Variants in LOC128462377 observed in about 807,000 individuals in gnomAD.
the LOC128462377 span, among the ~76,000 whole-genome samples, chr16:89,384,843 A>G: frequency 2.0e-5 from 3 of 148,194 alleles, no homozygotes; most frequent in Non-Finnish European, 1.5e-5. Context: ...GTGTGTAAGA[A>G]CATGTGTGTG....
the LOC128462377 span, among the ~76,000 whole-genome samples, chr16:89,338,115 C>G: frequency 6.6e-6 from 1 of 152,212 alleles, no homozygotes; most frequent in African/African-American, 2.4e-5. Flanking sequence ...CATCCCAGGA[C>G]GCCGCCCGTC....
At chr16:89,413,097 C>G in the LOC128462377 span, among the ~76,000 whole-genome samples, 8 of 152,182 alleles carry the variant, frequency 5.3e-5, no homozygotes, top group African/African-American at 1.9e-4. Context: ...CGCCGCTCAG[C>G]CACAAGTGCC....
chr16:89,378,371 C>T, the LOC128462377 span, among the ~76,000 whole-genome samples: 2 of 152,146 alleles, frequency 1.3e-5, no homozygotes, highest in Non-Finnish European at 1.5e-5. Flanking sequence ...AAGGACCAAA[C>T]ATATATAATG....
the LOC128462377 span, among the ~76,000 whole-genome samples, chr16:89,366,044 C>G: frequency 0.03 from 4,430 of 149,768 alleles, 155 homozygotes; most frequent in African/African-American, 0.076. Context: ...ATGATCTGAT[C>G]ACTTGAACCT....
At chr16:89,399,604 TCATC>T in the LOC128462377 span, among the ~76,000 whole-genome samples, 7 of 152,016 alleles carry the variant, frequency 4.6e-5, no homozygotes, top group African/African-American at 1.7e-4. Context: ...CAGGATACGT[TCATC>T]CAACCATAGA....
chr16:89,409,280 G>A, the LOC128462377 span, among the ~76,000 whole-genome samples: 3 of 152,158 alleles, frequency 2.0e-5, no homozygotes, highest in Non-Finnish European at 2.9e-5. Flanking sequence ...TAAATCACTA[G>A]GCTACAAGAA....
the LOC128462377 span, chr16:89,418,148 C>A: frequency 2.5e-6 from 1 of 395,504 alleles, no homozygotes; most frequent in East Asian, 7.4e-5. Flanking sequence ...AAATCCAGAA[C>A]AAAATTCACA....
the LOC128462377 span, among the ~76,000 whole-genome samples, chr16:89,321,776 GA>G: frequency 2.6e-5 from 4 of 152,096 alleles, no homozygotes. Flanking sequence ...AGCTGACCAT[GA>G]ACAACCTGGG....
the LOC128462377 span, among the ~76,000 whole-genome samples, chr16:89,389,517 C>T: frequency 2.0e-5 from 3 of 152,060 alleles, no homozygotes; most frequent in Admixed American, 2.0e-4. Context: ...TCCCCACGGT[C>T]AAAAACTAAA....
chr16:89,317,171 C>T, the LOC128462377 span: 1 of 895,294 alleles, frequency 1.1e-6, no homozygotes, highest in African/African-American at 1.6e-5. Flanking sequence ...AGTAACTAGT[C>T]AAGGCAGGCA....
the LOC128462377 span, among the ~76,000 whole-genome samples, chr16:89,404,946 C>G: frequency 2.6e-5 from 4 of 152,174 alleles, no homozygotes; most frequent in East Asian, 7.7e-4. Context: ...GTCCACAGAC[C>G]ACCATAAATG....
the LOC128462377 span, among the ~76,000 whole-genome samples, chr16:89,393,753 T>C: frequency 3.9e-5 from 6 of 152,222 alleles, no homozygotes; most frequent in African/African-American, 7.2e-5. Flanking sequence ...GCTGGGCCTA[T>C]TGCCCTTCAT....
the LOC128462377 span, among the ~76,000 whole-genome samples, chr16:89,345,561 G>A: frequency 2.6e-5 from 4 of 152,212 alleles, no homozygotes; most frequent in African/African-American, 7.2e-5. Flanking sequence ...ATAAATTTCT[G>A]TTCTTTATAA....
chr16:89,324,715 GTT>G, the LOC128462377 span: 1 of 323,236 alleles, frequency 3.1e-6, no homozygotes, highest in Non-Finnish European at 6.1e-6. Flanking sequence ...CAGCTTTTGG[GTT>G]CTTGGACCTA....
the LOC128462377 span, among the ~76,000 whole-genome samples, chr16:89,328,361 G>T: frequency 6.6e-6 from 1 of 152,192 alleles, no homozygotes; most frequent in Non-Finnish European, 1.5e-5. Context: ...CTGAGAAAAT[G>T]GAACCTCATG....
the LOC128462377 span, among the ~76,000 whole-genome samples, chr16:89,398,135 T>C: frequency 6.6e-6 from 1 of 151,504 alleles, no homozygotes; most frequent in Non-Finnish European, 1.5e-5. Context: ...AGGGACACTG[T>C]GAAACAGCTG....
chr16:89,324,714 G>C, the LOC128462377 span: 2 of 331,346 alleles, frequency 6.0e-6, no homozygotes, highest in South Asian at 4.6e-5. Flanking sequence ...TCAGCTTTTG[G>C]GTTCTTGGAC....
chr16:89,407,957 T>A, the LOC128462377 span, among the ~76,000 whole-genome samples: 700 of 152,168 alleles, frequency 4.6e-3, 4 homozygotes, highest in African/African-American at 0.016. Context: ...TGATAAGTTT[T>A]TAAGTAAAGA....
At chr16:89,326,892 C>G in the LOC128462377 span, among the ~76,000 whole-genome samples, 1 of 152,190 alleles carries the variant, frequency 6.6e-6, no homozygotes, top group African/African-American at 2.4e-5. Flanking sequence ...CACATCTGCA[C>G]GTGGGGCTGA....
Sources: gnomAD v4.1 joint callset for allele counts (sites outside exome capture counted in the v4.1 genomes callset) on GRCh38, gnomAD v4.1.1 for gene constraint, MANE v1.5 for transcripts.